MYL4: variants seen among roughly 807,000 people sequenced by gnomAD.
MYL4 encodes myosin light chain 4.
In MYL4, 16 loss-of-function variants were observed where a neutral mutation model predicts 21.6. The observed-to-expected ratio is 0.74, with a 90% CI of 0.50 to 1.12. The LOEUF (loss-of-function observed/expected upper bound fraction) is 1.12, where lower values mean the gene tolerates loss of function less well. MYL4 is among the 50% of genes most tolerant of loss of function. The probability of loss-of-function intolerance (pLI) is 0.00; values close to 1 mark genes in which losing one functional copy is unlikely to be tolerated. For missense variants in MYL4, 249 were observed against 252.9 expected (o/e 0.98, Z 0.11); for synonymous variants, 82 against 95.7 (o/e 0.86, Z 0.83).
rs1279798672 is a variant in MYL4, at chr17:47,213,656, C to T, written c.136-143C>T. ...GGAGACTTGTGTTTTACCCTTAGCACAAGTCACCTTCCCTGCTTATCAGTG... is the reference window on the plus strand; with the variant it reads ...GGAGACTTGTGTTTTACCCTTAGCATAAGTCACCTTCCCTGCTTATCAGTG... On this transcript the variant is annotated intron_variant, in intron 1 of 6. Coordinates refer to ENST00000393450, the MANE Select transcript of MYL4 (RefSeq NM_002476.2). The T allele has an allele frequency of 9.8e-6, 8 of 813,574 alleles. No individual in the cohort carries two copies. The Middle Eastern group carries it at 7.3e-4, about 75-fold the overall frequency. 50.4% of individuals were successfully genotyped at this position (813,574 alleles called of 1,614,324 possible). A position where few individuals can be genotyped will look rare whatever the true frequency, so the allele number is the denominator to read the frequency against.
At chr17:47,223,857 AT>A (rs1460703085), downstream of MYL4, among the ~76,000 whole-genome samples, 2 of 152,134 alleles carry the variant, frequency 1.3e-5, no homozygotes, top group East Asian at 3.8e-4. Context: ...ATCTAGAGAT[AT>A]TGGGGTCAGA....
chr17:47,212,779 A>G (rs1895762268), intron 1 of MYL4, among the ~76,000 whole-genome samples: 1 of 152,196 alleles, frequency 6.6e-6, no homozygotes, highest in South Asian at 2.1e-4. Context: ...GGATTTGGCT[A>G]TTATCTCTTA....
chr17:47,211,169 A>T (rs2064771905), intron 1 of MYL4, among the ~76,000 whole-genome samples: 1 of 152,128 alleles, frequency 6.6e-6, no homozygotes, highest in African/African-American at 2.4e-5. Flanking sequence ...AGTAGAAAAA[A>T]AATAGGTATC....
downstream of MYL4, among the ~76,000 whole-genome samples, chr17:47,225,016 G>A (rs1350381089): frequency 6.6e-6 from 1 of 152,160 alleles, no homozygotes; most frequent in Non-Finnish European, 1.5e-5. Context: ...GGAGCACAGG[G>A]GTCCAGTCAT....
the MYL4 span, among the ~76,000 whole-genome samples, chr17:47,191,557 G>A: frequency 6.6e-6 from 1 of 151,984 alleles, no homozygotes; most frequent in Non-Finnish European, 1.5e-5. Flanking sequence ...TGCGTCCTCC[G>A]CCTCCGGGGT....
chr17:47,211,928 C>T (rs971917815), intron 1 of MYL4, among the ~76,000 whole-genome samples: 1 of 152,104 alleles, frequency 6.6e-6, no homozygotes, highest in Non-Finnish European at 1.5e-5. Flanking sequence ...GATCTTAAAT[C>T]AAAATGATGA....
At chr17:47,222,487 A>G in intron 5 of MYL4, 30 bp downstream of exon 5, 2 of 1,607,114 alleles carry the variant, frequency 1.2e-6, no homozygotes, top group Middle Eastern at 1.7e-4. Flanking sequence ...ATCCCAGGGC[A>G]GCCAGGGATG....
chr17:47,202,175 G>A (rs2064712055), intron 1 of MYL4, among the ~76,000 whole-genome samples: 1 of 152,038 alleles, frequency 6.6e-6, no homozygotes, highest in Non-Finnish European at 1.5e-5. Flanking sequence ...TAGTAGAGAA[G>A]GGGTTTCACC....
chr17:47,197,772 C>A (rs2064694998), upstream of MYL4, among the ~76,000 whole-genome samples: 3 of 152,176 alleles, frequency 2.0e-5, 1 homozygote, highest in Admixed American at 1.3e-4. Flanking sequence ...TTAAGGTAGG[C>A]TTTGCTAAAC....
the MYL4 span, among the ~76,000 whole-genome samples, chr17:47,195,046 A>G: frequency 5.0e-5 from 7 of 140,394 alleles, no homozygotes; most frequent in Admixed American, 3.5e-4. Flanking sequence ...CAGCCCCTTC[A>G]TGGAACTTTT....
chr17:47,217,571 A>G (rs1353116497), intron 2 of MYL4, among the ~76,000 whole-genome samples: 2 of 152,238 alleles, frequency 1.3e-5, no homozygotes, highest in African/African-American at 4.8e-5. Flanking sequence ...CCAAGATCAC[A>G]TGGTTAAGTG....
chr17:47,223,853 A>T (rs2064875373), downstream of MYL4, among the ~76,000 whole-genome samples: 1 of 152,246 alleles, frequency 6.6e-6, no homozygotes, highest in African/African-American at 2.4e-5. Context: ...GTGGATCTAG[A>T]GATATTGGGG....
chr17:47,203,158 C>T (rs2064715492), intron 1 of MYL4, among the ~76,000 whole-genome samples: 1 of 152,106 alleles, frequency 6.6e-6, no homozygotes, highest in African/African-American at 2.4e-5. Flanking sequence ...ACCATGTTGG[C>T]CAGGCTGGTC....
chr17:47,213,369 T>C (rs1225267376), intron 1 of MYL4, among the ~76,000 whole-genome samples: 2 of 152,170 alleles, frequency 1.3e-5, no homozygotes, highest in East Asian at 1.9e-4. Context: ...AATCTGAGGA[T>C]GCTCAAGTCT....
intron 2 of MYL4, among the ~76,000 whole-genome samples, chr17:47,218,312 G>A (rs2149046337): frequency 1.3e-5 from 2 of 152,300 alleles, no homozygotes; most frequent in East Asian, 3.9e-4. Context: ...CAGCCTCGAA[G>A]GAAAGAAGTA....
At chr17:47,226,548 T>C (rs1027240140), downstream of MYL4, among the ~76,000 whole-genome samples, 26 of 152,266 alleles carry the variant, frequency 1.7e-4, no homozygotes, top group Non-Finnish European at 5.9e-5. Flanking sequence ...ACATTAGTTA[T>C]AATCATGTGA....
At chr17:47,204,767 A>T (rs111487688), upstream of MYL4, among the ~76,000 whole-genome samples, 2,444 of 151,330 alleles carry the variant, frequency 0.016, 52 homozygotes, top group African/African-American at 0.056. Flanking sequence ...CTAAGCCAGG[A>T]CTCTAAACCA....
chr17:47,221,969 G>A (rs1003496701), intron 4 of MYL4, 114 bp downstream of exon 4: 25 of 1,191,442 alleles, frequency 2.1e-5, no homozygotes, highest in Non-Finnish European at 2.8e-5. Flanking sequence ...TTTGCATCCT[G>A]AGGATAATGA....
intron 2 of MYL4, 52 bp from the exon 3 acceptor site, chr17:47,219,852 G>GCCA: frequency 6.2e-7 from 1 of 1,612,088 alleles, no homozygotes; most frequent in Non-Finnish European, 8.5e-7. Context: ...TTGGCCACCA[G>GCCA]CCACCACCTT....
Sources: gnomAD v4.1 joint callset for allele counts (sites outside exome capture counted in the v4.1 genomes callset) on GRCh38, gnomAD v4.1.1 for gene constraint, MANE v1.5 for transcripts, NCBI Gene and HGNC (gene_info 2026-07-23, HGNC 2026-07-21) for gene names.